LRIG2: variants seen among roughly 807,000 people sequenced by gnomAD.
The protein encoded by LRIG2 is leucine rich repeats and immunoglobulin like domains 2, also known as leucine-rich repeats and immunoglobulin-like domains protein 2.
LRIG2 carries 93 observed loss-of-function variants against 107.8 expected under a neutral mutation model. That is an observed-to-expected ratio of 0.86 (90% CI 0.73 to 1.03). The LOEUF is 1.03. Among genes scored for constraint, LRIG2 ranks in the 50% least tolerant of loss-of-function variants. LRIG2 has a pLI of 0.00. For synonymous variants in LRIG2, 471 were observed against 470.6 expected, an observed-to-expected ratio of 1.00 and a Z score of -0.01; for missense variants, 1,226 against 1,296.0, an observed-to-expected ratio of 0.95 and a Z score of 0.83.
intron 9 of LRIG2, among the ~76,000 whole-genome samples, chr1:113,099,409 AT>A (rs947346045): frequency 2.2e-4 from 31 of 139,980 alleles, no homozygotes; most frequent in South Asian, 4.5e-4. Context: ...GCTAATTAAA[AT>A]TTTTTTTTTT....
intron 11 of LRIG2, among the ~76,000 whole-genome samples, chr1:113,106,378 T>C (rs919089334): frequency 6.6e-6 from 1 of 152,170 alleles, no homozygotes; most frequent in Non-Finnish European, 1.5e-5. Context: ...GGATGGGACA[T>C]TTAAGGGGTC....
intron 1 of LRIG2, among the ~76,000 whole-genome samples, chr1:113,089,301 G>A (rs1411607763): frequency 6.6e-6 from 1 of 152,146 alleles, no homozygotes; most frequent in African/African-American, 2.4e-5. Flanking sequence ...CCTCAGCCTT[G>A]TAAAGATGCC....
At chr1:113,076,468 C>T (rs1652988827) in intron 1 of LRIG2, among the ~76,000 whole-genome samples, 1 of 152,200 alleles carries the variant, frequency 6.6e-6, no homozygotes, top group Non-Finnish European at 1.5e-5. Context: ...AATGAAATGA[C>T]ATTTTCAGTT....
intron 17 of LRIG2, among the ~76,000 whole-genome samples, chr1:113,120,044 A>G (rs1655177862): frequency 6.6e-6 from 1 of 151,802 alleles, no homozygotes; most frequent in Non-Finnish European, 1.5e-5. Flanking sequence ...TCCTGACCTC[A>G]TGTGATTGCC....
Position 113,112,512 on chromosome 1 carries a change from T to C in LRIG2, c.1832T>C (p.Leu611Pro). 1 of 1,611,100 alleles carries C rather than the reference T, an allele frequency of 6.2e-7. No homozygotes were observed. The highest frequency in any genetic ancestry group is 1.1e-5 in the South Asian group (1 of 90,800). The change falls in exon 14 of 18, where the codon CTG (leucine) becomes CCG (proline). Residue 611 changes from leucine to proline, a missense_variant. Leu to Pro is a moderately conservative substitution (Grantham distance 98, BLOSUM62 -3). This residue lies in a region of LRIG2 where 642 missense variants were observed against 712.2 expected (regional missense o/e 0.90). Coordinates refer to ENST00000361127, the MANE Select transcript of LRIG2 (RefSeq NM_014813.3). ...TCTTTTCTGAAAACGCCAATGGATC[T>C]GACTATTCGCACTGGTGCCATGGCC... is the stretch of plus-strand genomic sequence containing the variant. The part of the protein sequence containing the change: ...MPSFLKTPMD[L>P]TIRTGAMARL...
chr1:113,122,075 C>CTTTTTT (rs758568453), intron 17 of LRIG2, among the ~76,000 whole-genome samples: 22 of 87,082 alleles, frequency 2.5e-4, no homozygotes, highest in Non-Finnish European at 3.3e-4. Context: ...TTAGGCTCAC[C>CTTTTTT]TTTTTTTTTT....
rs140370329 is a variant in LRIG2 at position 113,114,520 on chromosome 1, C to T, written c.2174C>T (p.Pro725Leu). 3.7e-6 allele frequency: 6 copies of T among 1,613,916 alleles called. No individual in the cohort carries two copies. Among genetic ancestry groups the T allele is most frequent in the Non-Finnish European group, 5.1e-6 (6 of 1,180,018 alleles). The change falls in exon 15 of 18, where the codon CCT (proline) becomes CTT (leucine). Residue 725 changes from proline to leucine, a missense_variant. Transcript: ENST00000361127. ...LQCIAGGSPA[P>L]RLNWTKDDGP... ...TGCATAGCTGGAGGGAGTCCTGCCCCTCGTCTCAACTGGACTAAAGATGAT... is the reference window on the plus strand; with the variant it reads ...TGCATAGCTGGAGGGAGTCCTGCCCTTCGTCTCAACTGGACTAAAGATGAT...
intron 1 of LRIG2, among the ~76,000 whole-genome samples, chr1:113,084,268 T>G (rs1570729162): frequency 6.9e-6 from 1 of 144,558 alleles, no homozygotes; most frequent in Non-Finnish European, 1.5e-5. Context: ...CAGGCTAGAG[T>G]GCAGTGGCGC....
Position 113,119,500 on chromosome 1 carries a change from T to C in LRIG2, c.2948T>C (p.Leu983Pro). The C allele has an allele frequency of 6.2e-7, 1 of 1,614,076 alleles. No individual in the cohort carries two copies. The highest frequency in any genetic ancestry group is 8.5e-7 in the Non-Finnish European group (1 of 1,179,982). ...CATGAGAGGATAAGTGAGAAGAAAC[T>C]TCCCTCCACACAGATGAGCGGTGGT... ...TNHERISEKK[L>P]PSTQMSGETL... The change falls in exon 17 of 18, where the codon CTT becomes CCT. Residue 983 changes from leucine to proline, a missense_variant. Leu to Pro is a moderately conservative substitution (Grantham distance 98). This residue lies in a region of LRIG2 where 642 missense variants were observed against 712.2 expected (regional missense o/e 0.90). Transcript: ENST00000361127.
At chr1:113,083,596 C>T (rs1169993624) in intron 1 of LRIG2, among the ~76,000 whole-genome samples, 2 of 151,636 alleles carry the variant, frequency 1.3e-5, no homozygotes, top group African/African-American at 2.4e-5. Context: ...TCCACCTGCC[C>T]TGGCTATCCA....
intron 1 of LRIG2, among the ~76,000 whole-genome samples, chr1:113,084,145 A>T (rs1476584375): frequency 1.3e-5 from 2 of 150,892 alleles, no homozygotes; most frequent in Non-Finnish European, 2.9e-5. Flanking sequence ...CGTGATGGAG[A>T]ACCACTGAAC....
At chr1:113,108,567 AT>A (rs1654636598) in intron 12 of LRIG2, among the ~76,000 whole-genome samples, 1 of 150,654 alleles carries the variant, frequency 6.6e-6, no homozygotes, top group Non-Finnish European at 1.5e-5. Flanking sequence ...AATTTGGAAA[AT>A]TTTCCTTTAC....
chr1:113,121,770 T>TGA (rs1015382803), intron 17 of LRIG2, among the ~76,000 whole-genome samples: 6 of 148,092 alleles, frequency 4.1e-5, no homozygotes, highest in East Asian at 4.0e-4. Context: ...GGGTAGGAGG[T>TGA]GAGAACTACA....
In LRIG2 at chr1:113,093,469, C is replaced by G; in HGVS notation, c.420C>G (p.Leu140=). The G allele has an allele frequency of 6.2e-7, 1 of 1,613,434 alleles. No homozygotes were observed. The highest frequency in any genetic ancestry group is 1.7e-5 in the Admixed American group (1 of 59,996). Residue 140 remains leucine (L), a synonymous_variant, in exon 4 of 18, where the codon CTC becomes CTG. Transcript: ENST00000361127. Reference sequence around the variant, plus strand: ...TCCCAGAAATAAATGCACAGGCACTCCAGTTTTACCCTGCTCTGGAGAGTT... The same window carrying G: ...TCCCAGAAATAAATGCACAGGCACTGCAGTTTTACCCTGCTCTGGAGAGTT... ...NIIPEINAQA[L]QFYPALESLD...
chr1:113,082,421 G>T (rs1653330293), intron 1 of LRIG2, among the ~76,000 whole-genome samples: 1 of 152,166 alleles, frequency 6.6e-6, no homozygotes, highest in Non-Finnish European at 1.5e-5. Flanking sequence ...AATTAAATCA[G>T]ACTGGGTAAT....
At chr1:113,092,519 A>G (rs1653874265) in intron 2 of LRIG2, among the ~76,000 whole-genome samples, 1 of 147,664 alleles carries the variant, frequency 6.8e-6, no homozygotes, top group Non-Finnish European at 1.5e-5. Flanking sequence ...TTGTGTGTTT[A>G]TATATATTTA....
In LRIG2 at chr1:113,093,575, C is replaced by T. The variant is rs765512591; in HGVS notation, c.515+11C>T. 4 of 1,498,412 alleles carry T rather than the reference C, an allele frequency of 2.7e-6. No individual in the cohort carries two copies. The highest frequency in any genetic ancestry group is 3.6e-6 in the Non-Finnish European group (4 of 1,104,366). 92.8% of individuals were successfully genotyped at this position (1,498,412 alleles called of 1,614,324 possible). On this transcript the variant is annotated intron_variant, in intron 4 of 17. Transcript: ENST00000361127. ...GCAGCTTAAATACCTGTAAGTAACACAGATTAAATTAGATTTACTTTAAAG... is the reference window on the plus strand; with the variant it reads ...GCAGCTTAAATACCTGTAAGTAACATAGATTAAATTAGATTTACTTTAAAG...
intron 12 of LRIG2, among the ~76,000 whole-genome samples, chr1:113,108,492 G>A (rs1654633065): frequency 1.3e-5 from 2 of 151,500 alleles, no homozygotes; most frequent in African/African-American, 2.4e-5. Flanking sequence ...CCAAAGTGCT[G>A]GGATTACAGG....
At position 113,082,001 on chromosome 1, in the gene LRIG2, C is replaced by T. The variant is rs185383690; in HGVS notation, c.239+8356C>T. Among the ~76,000 whole-genome samples, 258 of 152,220 alleles carry T rather than the reference C, an allele frequency of 1.7e-3. 1 individual carries two copies. Among genetic ancestry groups the T allele is most frequent in the African/African-American group, 5.9e-3 (247 of 41,556 alleles). The stretch of plus-strand genomic sequence containing the variant: ...GTAAAAAAATTAAGTAAATAAAAGA[C>T]GTAGTAAATCCCTAAACCAAATTGG... On this transcript the variant is annotated intron_variant, in intron 1 of 17. Coordinates refer to ENST00000361127, the MANE Select transcript of LRIG2 (RefSeq NM_014813.3).
Sources: gnomAD v4.1 joint callset for allele counts (sites outside exome capture counted in the v4.1 genomes callset) on GRCh38, gnomAD v4.1.1 for gene constraint, gnomAD v4.1.1 regional missense constraint, MANE v1.5 for transcripts, NCBI Gene and HGNC (gene_info 2026-07-23, HGNC 2026-07-21) for gene names.